NCAPH: variants seen among roughly 807,000 people sequenced by gnomAD.
The protein encoded by NCAPH is non-SMC condensin I complex subunit H.
In NCAPH, 38 loss-of-function variants were observed where a neutral mutation model predicts 85.5. The observed-to-expected ratio is 0.44, with a 90% CI of 0.34 to 0.58. The LOEUF is 0.58. Ranked by LOEUF, NCAPH falls within the 20% of genes least tolerant of loss-of-function variation. The pLI is 0.01. For missense variants in NCAPH, 789 were observed against 916.6 expected, an observed-to-expected ratio of 0.86 and a Z score of 1.80; for synonymous variants, 301 against 335.1, an observed-to-expected ratio of 0.90 and a Z score of 1.11.
At chr2:96,338,132 G>A (rs1329795785) in intron 1 of NCAPH, among the ~76,000 whole-genome samples, 1 of 150,380 alleles carries the variant, frequency 6.6e-6, no homozygotes, top group Non-Finnish European at 1.5e-5. Context: ...TTGCCTTGTT[G>A]GCCAGGCTGG....
chr2:96,363,226 G>T lies in NCAPH; in HGVS notation c.1588-1255G>T, dbSNP rs970175541. Among the ~76,000 whole-genome samples the T allele has an allele frequency of 1.4e-4, 21 of 152,272 alleles. No individual in the cohort carries two copies. The Middle Eastern group carries it at 0.014, about 99-fold the overall frequency. Reference sequence around the variant, plus strand: ...TATTTTTAATTAAGGTATGTAAATTGTTTTTTAGACATATACTGTTGCACA... The same window carrying T: ...TATTTTTAATTAAGGTATGTAAATTTTTTTTTAGACATATACTGTTGCACA... On this transcript the variant is annotated intron_variant, in intron 12 of 17. Coordinates refer to ENST00000240423, the MANE Select transcript of NCAPH (RefSeq NM_015341.5).
chr2:96,363,022 T>C (rs189388259), intron 12 of NCAPH, among the ~76,000 whole-genome samples: 1 of 152,216 alleles, frequency 6.6e-6, no homozygotes, highest in East Asian at 1.9e-4. Context: ...AGTTGATTGA[T>C]GTAGCAAACT....
intron 6 of NCAPH, 139 bp from the exon 7 acceptor site, chr2:96,351,688 AAAAC>A (rs1017292171): frequency 2.8e-5 from 19 of 680,448 alleles, no homozygotes; most frequent in African/African-American, 1.7e-4. Flanking sequence ...AAAAAAAACA[AAAAC>A]AAACCACTTT....
chr2:96,350,098 C>T (rs1027842752), intron 6 of NCAPH, among the ~76,000 whole-genome samples: 1 of 152,218 alleles, frequency 6.6e-6, no homozygotes, highest in Non-Finnish European at 1.5e-5. Context: ...TTTTAGAAAT[C>T]ACCTAAAGAG....
chr2:96,346,696 A>T, intron 6 of NCAPH, among the ~76,000 whole-genome samples: 1 of 152,062 alleles, frequency 6.6e-6, no homozygotes, highest in East Asian at 1.9e-4. Context: ...TGAGCTGGAA[A>T]TGTAGGAGGT....
At chr2:96,339,984 G>C (rs1054138231) in intron 1 of NCAPH, among the ~76,000 whole-genome samples, 2 of 151,926 alleles carry the variant, frequency 1.3e-5, no homozygotes, top group African/African-American at 2.4e-5. Flanking sequence ...GTGTAGTGGC[G>C]CCATCTCGGC....
At chr2:96,354,936 CTTATAGT>C (rs1167675059) in intron 9 of NCAPH, among the ~76,000 whole-genome samples, 8 of 152,082 alleles carry the variant, frequency 5.3e-5, no homozygotes, top group Non-Finnish European at 8.8e-5. Flanking sequence ...GTACACATTG[CTTATAGT>C]GTGGCTGTTG....
chr2:96,370,218 C>A (rs542716797), intron 17 of NCAPH, among the ~76,000 whole-genome samples: 2 of 152,218 alleles, frequency 1.3e-5, no homozygotes, highest in Non-Finnish European at 2.9e-5. Flanking sequence ...GCCTTTGGCA[C>A]GTGCAGTAGA....
At chr2:96,352,702 C>T (rs2064461592) in intron 7 of NCAPH, among the ~76,000 whole-genome samples, 1 of 152,202 alleles carries the variant, frequency 6.6e-6, no homozygotes, top group African/African-American at 2.4e-5. Flanking sequence ...CGCTGATCTT[C>T]ATCTCAAGTG....
At chr2:96,371,259 A>T (rs937012034) in intron 17 of NCAPH, among the ~76,000 whole-genome samples, 1 of 152,204 alleles carries the variant, frequency 6.6e-6, no homozygotes, top group Admixed American at 6.5e-5. Context: ...TGACTCTCCA[A>T]CATGGGTGCT....
chr2:96,368,921 T>A, intron 15 of NCAPH, 51 bp from the exon 16 acceptor site: 1 of 1,504,450 alleles, frequency 6.6e-7, no homozygotes, highest in South Asian at 1.2e-5. Context: ...TGTTGCCCTT[T>A]CAAAAGTGCA....
Position 96,360,607 on chromosome 2 carries a change from A to G in NCAPH, c.1484A>G (p.Lys495Arg). 2 of 1,614,192 alleles carry G rather than the reference A, an allele frequency of 1.2e-6. No individual in the cohort carries two copies. Among genetic ancestry groups the G allele is most frequent in the Non-Finnish European group, 8.5e-7 (1 of 1,180,020 alleles). The change falls in exon 12 of 18, where the codon AAG becomes AGG. Residue 495 changes from lysine (K) to arginine (R), a missense_variant. Transcript: ENST00000240423. ...TAATAGGCTGCTACTATTCTGACCA[A>G]GTCCACTTTGGAGAACCAGAATTGG... ...RKTKAATILT[K>R]STLENQNWRA...
Position 96,342,100 on chromosome 2 carries a change from C to A in NCAPH, c.323C>A (p.Thr108Lys). ...TIPKFTNTQI[T>K]EHYSTCIKLS... ...CCCAAGTTTACAAACACGCAGATTA[C>A]GGAACATTACTCCACCTGTATCAAA... is the stretch of plus-strand genomic sequence containing the variant. The change falls in exon 3 of 18, where the codon ACG (threonine) becomes AAG (lysine). Residue 108 changes from threonine to lysine, a missense_variant. Thr to Lys is a moderately conservative substitution (Grantham distance 78). Transcript: ENST00000240423. 3 of 1,610,386 alleles carry A rather than the reference C, an allele frequency of 1.9e-6. No homozygotes were observed. The highest frequency in any genetic ancestry group is 2.5e-6 in the Non-Finnish European group (3 of 1,177,764).
In NCAPH at chr2:96,374,551, A is replaced by G. The variant is rs1429902244; in HGVS notation, c.*1200A>G. Among the ~76,000 whole-genome samples the G allele has an allele frequency of 6.6e-6, 1 of 152,228 alleles. No homozygotes were observed. The highest frequency in any genetic ancestry group is 1.5e-5 in the Non-Finnish European group (1 of 68,032). ...TAGGCCAGAAGCAGTGAAGTATATAATTGGAAATTGCTCCTGATAATAACT... is the reference window on the plus strand; with the variant it reads ...TAGGCCAGAAGCAGTGAAGTATATAGTTGGAAATTGCTCCTGATAATAACT... On this transcript the variant is annotated 3_prime_UTR_variant, in exon 18 of 18. Transcript: ENST00000240423.
In NCAPH at chr2:96,360,667, A is replaced by G. The variant is rs372351021; in HGVS notation, c.1544A>G (p.Asn515Ser). 1.5e-5 allele frequency: 24 copies of G among 1,614,156 alleles called. No homozygotes were observed. Among genetic ancestry groups the G allele is most frequent in the African/African-American group, 1.2e-4 (9 of 75,036 alleles). The change falls in exon 12 of 18, where the codon AAT becomes AGT. Residue 515 changes from asparagine (N) to serine (S), a missense_variant. Physicochemically the swap from Asn to Ser is conservative, Grantham distance 46. Transcript: ENST00000240423. The part of the protein sequence containing the change: ...ATTLPTDFNY[N>S]VDTLVQLHLK... ...ACCCTTCCTACAGATTTCAACTACA[A>G]TGTTGACACTCTGGTCCAGCTTCAC...
At chr2:96,350,652 A>G (rs2064427926) in intron 6 of NCAPH, among the ~76,000 whole-genome samples, 1 of 152,106 alleles carries the variant, frequency 6.6e-6, no homozygotes, top group Non-Finnish European at 1.5e-5. Context: ...GGAGATGACG[A>G]ATGTGCTGCT....
At chr2:96,358,757 C>T (rs1020757849) in intron 9 of NCAPH, among the ~76,000 whole-genome samples, 3 of 152,128 alleles carry the variant, frequency 2.0e-5, no homozygotes, top group South Asian at 2.1e-4. Flanking sequence ...CGTGAGCCAC[C>T]GCGCCCAGCC....
rs956952821 is a variant in NCAPH at position 96,374,118 on chromosome 2, C to G, written c.*767C>G. Among the ~76,000 whole-genome samples the G allele has an allele frequency of 6.6e-6, 1 of 152,196 alleles. No homozygotes were observed. The highest frequency in any genetic ancestry group is 2.1e-4 in the South Asian group (1 of 4,838). On this transcript the variant is annotated 3_prime_UTR_variant, in exon 18 of 18. Coordinates refer to ENST00000240423, the MANE Select transcript of NCAPH (RefSeq NM_015341.5). ...TTGCTTCATGTAGCCTTCTCAGCAT[C>G]CCTAGGAGAAACTTACTATTGTGAC...
intron 1 of NCAPH, among the ~76,000 whole-genome samples, chr2:96,338,959 C>T (rs535127315): frequency 9.9e-5 from 15 of 152,204 alleles, no homozygotes; most frequent in Middle Eastern, 3.4e-3. Flanking sequence ...TACAGGCACC[C>T]GCCACTGCGC....
Sources: allele counts gnomAD v4.1 joint callset (sites outside exome capture counted in the v4.1 genomes callset), GRCh38; gene constraint gnomAD v4.1.1; transcripts MANE v1.5; gene names NCBI Gene and HGNC (gene_info 2026-07-23, HGNC 2026-07-21).